The following CFDP1 variants were observed in gnomAD, a reference collection of about 807,000 sequenced individuals.
CFDP1 encodes the protein heterochromatin-stabilizing protein CFDP1.
Under a neutral mutation model 40.1 loss-of-function variants are expected in CFDP1, and 31 were observed. That is an observed-to-expected ratio of 0.77 (90% CI 0.58 to 1.04). The LOEUF is 1.04. CFDP1 is among the 50% of genes least tolerant of loss of function. The pLI is 0.00. For synonymous variants in CFDP1, 167 were observed against 120.0 expected, an observed-to-expected ratio of 1.39 and a Z score of -2.56; for missense variants, 423 against 343.4, an observed-to-expected ratio of 1.23 and a Z score of -1.83.
At chr16:75,358,946 A>C (rs1188360712) in intron 5 of CFDP1, among the ~76,000 whole-genome samples, 1 of 152,216 alleles carries the variant, frequency 6.6e-6, no homozygotes, top group Non-Finnish European at 1.5e-5. Flanking sequence ...AGCAGTTCTG[A>C]AATGATTAAT....
intron 5 of CFDP1, among the ~76,000 whole-genome samples, chr16:75,345,225 G>C (rs1399101114): frequency 6.6e-6 from 1 of 152,030 alleles, no homozygotes; most frequent in Admixed American, 6.5e-5. Flanking sequence ...GGGAGGCCGA[G>C]GCAGGTGGAT....
intron 6 of CFDP1, among the ~76,000 whole-genome samples, chr16:75,300,501 G>T (rs1407306590): frequency 6.6e-6 from 1 of 152,154 alleles, no homozygotes; most frequent in African/African-American, 2.4e-5. Flanking sequence ...GGGCCAGGCT[G>T]GTCTCGAACT....
chr16:75,353,445 T>C (rs1206716180), intron 5 of CFDP1, among the ~76,000 whole-genome samples: 2 of 151,934 alleles, frequency 1.3e-5, no homozygotes, highest in African/African-American at 4.8e-5. Flanking sequence ...GGGAGTTAGG[T>C]AGGAGTACAG....
intron 5 of CFDP1, among the ~76,000 whole-genome samples, chr16:75,368,622 G>A (rs1271516613): frequency 6.6e-6 from 1 of 152,116 alleles, no homozygotes; most frequent in African/African-American, 2.4e-5. Flanking sequence ...TTGAAGTTTA[G>A]TGATGGGTAC....
intron 4 of CFDP1, among the ~76,000 whole-genome samples, chr16:75,405,499 G>C (rs1471083500): frequency 6.6e-6 from 1 of 151,944 alleles, no homozygotes; most frequent in Non-Finnish European, 1.5e-5. Context: ...TGTAATCCTA[G>C]CACTTTGGGA....
intron 2 of CFDP1, among the ~76,000 whole-genome samples, chr16:75,413,037 A>C (rs2079176421): frequency 6.6e-6 from 1 of 152,214 alleles, no homozygotes; most frequent in African/African-American, 2.4e-5. Flanking sequence ...TGTTTTCACA[A>C]AGAAAACATC....
At chr16:75,368,870 AGTTG>A (rs928371424) in intron 5 of CFDP1, among the ~76,000 whole-genome samples, 3 of 152,090 alleles carry the variant, frequency 2.0e-5, no homozygotes, top group African/African-American at 4.8e-5. Flanking sequence ...CATAATAAAA[AGTTG>A]TTTGTTTGTT....
chr16:75,433,221 G>A (rs893847165), intron 1 of CFDP1, 68 bp downstream of exon 1: 60 of 1,453,656 alleles, frequency 4.1e-5, no homozygotes, highest in Non-Finnish European at 4.9e-5. Flanking sequence ...GCCCGCGGGG[G>A]CAGAGCGCGC....
At chr16:75,405,522 C>G (rs916865831) in intron 4 of CFDP1, among the ~76,000 whole-genome samples, 1 of 151,360 alleles carries the variant, frequency 6.6e-6, no homozygotes, top group African/African-American at 2.4e-5. Context: ...CTGAGGCGGG[C>G]AGATCATATG....
Position 75,395,100 on chromosome 16 carries a change from C to T in CFDP1, c.640G>A (p.Ala214Thr). ...NVPSALPSLP[A>T]GSGLKRSSGM... ...GACTCAAATACTCACCCTGACCCGG[C>T]AGGGAGTGATGGCAGAGCTGAAGGA... Residue 214 changes from alanine to threonine, a missense_variant, in exon 5 of 7, where the codon GCC becomes ACC. Transcript: ENST00000283882. The T allele has an allele frequency of 6.2e-7, 1 of 1,613,754 alleles. No homozygotes were observed. Among genetic ancestry groups the T allele is most frequent in the Non-Finnish European group, 8.5e-7 (1 of 1,179,784 alleles).
intron 5 of CFDP1, among the ~76,000 whole-genome samples, chr16:75,384,339 C>T (rs947666637): frequency 1.2e-4 from 18 of 151,966 alleles, no homozygotes; most frequent in South Asian, 4.2e-4. Flanking sequence ...CTAGCCTGGG[C>T]GACAGAGTGA....
intron 5 of CFDP1, among the ~76,000 whole-genome samples, chr16:75,354,365 G>A (rs1469262172): frequency 3.3e-5 from 5 of 152,172 alleles, no homozygotes; most frequent in Admixed American, 1.3e-4. Flanking sequence ...TGCATTCACT[G>A]TTGTGGAGAA....
intron 1 of CFDP1, among the ~76,000 whole-genome samples, chr16:75,417,936 T>C (rs2079226948): frequency 6.6e-6 from 1 of 151,998 alleles, no homozygotes; most frequent in Non-Finnish European, 1.5e-5. Flanking sequence ...ATCTTCAGAA[T>C]AAGAGAAATG....
At chr16:75,296,744 T>C (rs1028916317) in intron 6 of CFDP1, among the ~76,000 whole-genome samples, 1 of 152,258 alleles carries the variant, frequency 6.6e-6, no homozygotes, top group Admixed American at 6.5e-5. Context: ...ATGTGCAGGA[T>C]GCAACTGAAT....
At chr16:75,326,712 G>A (rs956814431) in intron 5 of CFDP1, among the ~76,000 whole-genome samples, 1 of 152,170 alleles carries the variant, frequency 6.6e-6, no homozygotes, top group Non-Finnish European at 1.5e-5. Flanking sequence ...ATCTTCCAAG[G>A]AGAGCGGTAA....
chr16:75,316,896 G>A (rs1597326760), intron 5 of CFDP1, among the ~76,000 whole-genome samples: 1 of 152,120 alleles, frequency 6.6e-6, no homozygotes, highest in East Asian at 1.9e-4. Context: ...CAGGAGAATC[G>A]CTTGAACCCG....
intron 5 of CFDP1, among the ~76,000 whole-genome samples, chr16:75,366,177 T>C (rs1348600518): frequency 6.6e-6 from 1 of 152,212 alleles, no homozygotes; most frequent in Non-Finnish European, 1.5e-5. Context: ...GGTATAGCTA[T>C]AAAGTACAAT....
chr16:75,420,132 A>G (rs962825148), intron 1 of CFDP1, among the ~76,000 whole-genome samples: 3 of 151,766 alleles, frequency 2.0e-5, no homozygotes, highest in African/African-American at 7.3e-5. Context: ...AAAAAAAAAA[A>G]AAAATTAAAA....
chr16:75,386,915 T>C (rs2078903015), intron 5 of CFDP1, among the ~76,000 whole-genome samples: 1 of 152,242 alleles, frequency 6.6e-6, no homozygotes, highest in Non-Finnish European at 1.5e-5. Context: ...ACAATGTGAA[T>C]GAAATTGCCT....
Sources: gnomAD v4.1 joint callset for allele counts (sites outside exome capture counted in the v4.1 genomes callset) on GRCh38, gnomAD v4.1.1 for gene constraint, MANE v1.5 for transcripts, NCBI Gene and HGNC (gene_info 2026-07-23, HGNC 2026-07-21) for gene names.